The following SLC38A4 variants were observed in gnomAD, a reference collection of about 807,000 sequenced individuals.
SLC38A4 encodes solute carrier family 38 member 4.
A neutral mutation model predicts 63.1 loss-of-function variants in SLC38A4; 20 were observed. That is an observed-to-expected ratio of 0.32 (90% CI 0.22 to 0.46). The LOEUF is 0.46. SLC38A4 is among the 20% of genes least tolerant of loss of function. SLC38A4 has a pLI of 1.00. For missense variants in SLC38A4, 526 were observed against 663.6 expected (o/e 0.79, Z 2.28); for synonymous variants, 230 against 225.5 (o/e 1.02, Z -0.18).
chr12:46,816,662 T>A (rs1939447526), intron 1 of SLC38A4, among the ~76,000 whole-genome samples: 1 of 151,902 alleles, frequency 6.6e-6, no homozygotes, highest in African/African-American at 2.4e-5. Context: ...TTTCCCCATT[T>A]TCCCTATTTA....
chr12:46,826,448 A>T (rs1315211832), upstream of SLC38A4, among the ~76,000 whole-genome samples: 3 of 152,204 alleles, frequency 2.0e-5, no homozygotes, highest in Non-Finnish European at 4.4e-5. Context: ...TATTTTATTG[A>T]GTGTTTACGT....
At chr12:46,793,931 G>T (rs1355257996) in intron 2 of SLC38A4, among the ~76,000 whole-genome samples, 2 of 152,178 alleles carry the variant, frequency 1.3e-5, no homozygotes, top group Non-Finnish European at 2.9e-5. Flanking sequence ...TTCCTCAATT[G>T]TATAGTGAAA....
intron 7 of SLC38A4, among the ~76,000 whole-genome samples, chr12:46,784,244 A>G (rs1938711484): frequency 6.6e-6 from 1 of 152,114 alleles, no homozygotes; most frequent in African/African-American, 2.4e-5. Flanking sequence ...AAATTCTTCA[A>G]TTTTTAAGAG....
chr12:46,774,966 A>G, intron 14 of SLC38A4, 83 bp downstream of exon 14: 2 of 1,485,136 alleles, frequency 1.3e-6, no homozygotes, highest in South Asian at 2.7e-5. Flanking sequence ...CTCACCCTAT[A>G]ATTAAATCAA....
chr12:46,780,830 C>T (rs1057068416), intron 7 of SLC38A4, among the ~76,000 whole-genome samples: 3 of 151,882 alleles, frequency 2.0e-5, no homozygotes, highest in African/African-American at 4.8e-5. Context: ...TTATGCATCA[C>T]GCCTTTTTCA....
intron 1 of SLC38A4, among the ~76,000 whole-genome samples, chr12:46,820,455 A>C (rs1265391941): frequency 6.6e-6 from 1 of 151,982 alleles, no homozygotes; most frequent in African/African-American, 2.4e-5. Context: ...GGCTTATTTC[A>C]CTTAGCATAT....
intron 14 of SLC38A4, among the ~76,000 whole-genome samples, chr12:46,772,143 A>C (rs1592174646): frequency 6.6e-6 from 1 of 151,992 alleles, no homozygotes; most frequent in African/African-American, 2.4e-5. Flanking sequence ...TAAAAAAAAA[A>C]AAAAAGCCTC....
At chr12:46,794,166 T>C (rs940848900) in intron 2 of SLC38A4, among the ~76,000 whole-genome samples, 2 of 152,128 alleles carry the variant, frequency 1.3e-5, no homozygotes, top group South Asian at 2.1e-4. Context: ...GCTCCAGAAG[T>C]CACAAAATGT....
Position 46,799,043 on chromosome 12 carries a change from A to G in SLC38A4, c.-113+4560T>C, listed in dbSNP as rs145720030. The stretch of plus-strand genomic sequence containing the variant: ...TTTACCACAAAGCAGTGTTGTGAGA[A>G]TTTAAATGAGATAATGAGTGTCAAA... On this transcript the variant is annotated intron_variant, in intron 2 of 16. Coordinates refer to ENST00000266579, the MANE Select transcript of SLC38A4 (RefSeq NM_018018.5). Among the ~76,000 whole-genome samples the G allele has an allele frequency of 1.1e-3, 168 of 152,320 alleles. 1 individual carries two copies. Among genetic ancestry groups the G allele is most frequent in the African/African-American group, 3.9e-3 (161 of 41,586 alleles).
chr12:46,775,745 A>G (rs962943496), intron 13 of SLC38A4, among the ~76,000 whole-genome samples: 9 of 152,018 alleles, frequency 5.9e-5, no homozygotes, highest in Admixed American at 2.6e-4. Flanking sequence ...ATGCAGGGAT[A>G]AATTAGTATA....
At chr12:46,788,158 G>T (rs1938802615) in intron 4 of SLC38A4, 127 bp from the exon 5 acceptor site, 1 of 652,056 alleles carries the variant, frequency 1.5e-6, no homozygotes. Flanking sequence ...CATTACAGGA[G>T]TAAAGCCATT....
Position 46,779,628 on chromosome 12 carries a change from C to A in SLC38A4, c.700G>T (p.Val234Leu). ...TCACTTACCACACTAACAAAAAACA[C>A]CATGCAGGTAAGAGAAAATCCACTG... ...YTSGFSLTCM[V>L]FFVSVVIYKK... Residue 234 changes from valine (V) to leucine (L), a missense_variant, in exon 10 of 17, where the codon GTG becomes TTG. By Grantham distance (32) the Val-to-Leu change is conservative (BLOSUM62 1). Coordinates refer to ENST00000266579, the MANE Select transcript of SLC38A4 (RefSeq NM_018018.5). The A allele has an allele frequency of 1.9e-6, 3 of 1,604,290 alleles. No homozygotes were observed. The highest frequency in any genetic ancestry group is 2.5e-6 in the Non-Finnish European group (3 of 1,177,078).
intron 1 of SLC38A4, among the ~76,000 whole-genome samples, chr12:46,812,076 A>G (rs1939349843): frequency 6.6e-6 from 1 of 152,050 alleles, no homozygotes; most frequent in Non-Finnish European, 1.5e-5. Context: ...ATTTTCCAGT[A>G]ATATTAATTA....
At chr12:46,777,632 A>C (rs1938557612) in intron 12 of SLC38A4, among the ~76,000 whole-genome samples, 1 of 152,074 alleles carries the variant, frequency 6.6e-6, no homozygotes, top group African/African-American at 2.4e-5. Context: ...TCTAGATTAA[A>C]GAAGTTGAGA....
chr12:46,830,296 TCTCACACACA>T (rs1365500042), upstream of SLC38A4, among the ~76,000 whole-genome samples: 2 of 118,970 alleles, frequency 1.7e-5, no homozygotes, highest in African/African-American at 8.0e-5. Flanking sequence ...TCTCTCTCTC[TCTCACACACA>T]CACACACACA....
chr12:46,797,411 C>T (rs186878985), intron 2 of SLC38A4, among the ~76,000 whole-genome samples: 199 of 152,258 alleles, frequency 1.3e-3, no homozygotes, highest in African/African-American at 4.7e-3. Context: ...GGACATCCAT[C>T]TTCTGCTGCC....
chr12:46,782,300 A>AT lies in SLC38A4; in HGVS notation c.493+2241_493+2242insA. ...CTGTAGCATTTTTATAACAGTGAAA[A>AT]ATTAGAAACAATCCAACTGTTCATC... On this transcript the variant is annotated intron_variant, in intron 7 of 16. Coordinates refer to ENST00000266579, the MANE Select transcript of SLC38A4 (RefSeq NM_018018.5). Among the ~76,000 whole-genome samples, 3 of 152,118 alleles carry AT rather than the reference A, an allele frequency of 2.0e-5. No homozygotes were observed. In the South Asian group the frequency reaches 6.2e-4, roughly 32 times the overall value.
intron 7 of SLC38A4, among the ~76,000 whole-genome samples, chr12:46,782,776 T>C (rs1938669752): frequency 6.6e-6 from 1 of 151,126 alleles, no homozygotes; most frequent in Non-Finnish European, 1.5e-5. Context: ...GTAAGGTAAT[T>C]TTTATACATG....
At chr12:46,769,462 CTTT>C in intron 14 of SLC38A4, 34 bp from the exon 15 acceptor site, 1 of 1,598,414 alleles carries the variant, frequency 6.3e-7, no homozygotes, top group Non-Finnish European at 8.6e-7. Flanking sequence ...AAGATCATTT[CTTT>C]GTTTTTGACT....
Sources: gnomAD v4.1 joint callset for allele counts (sites outside exome capture counted in the v4.1 genomes callset) on GRCh38, gnomAD v4.1.1 for gene constraint, MANE v1.5 for transcripts, NCBI Gene and HGNC (gene_info 2026-07-23, HGNC 2026-07-21) for gene names.